The following JMY variants were observed in gnomAD, a reference collection of about 807,000 sequenced individuals.
JMY encodes junction mediating and regulatory protein, p53 cofactor, also known as junction-mediating and -regulatory protein.
Under a neutral mutation model 103.3 loss-of-function variants are expected in JMY, and 46 were observed. The observed-to-expected ratio is 0.45, with a 90% CI of 0.35 to 0.57. The LOEUF is 0.57. JMY is among the 20% of genes least tolerant of loss of function. The probability of loss-of-function intolerance (pLI) is 0.00; values close to 1 mark genes in which losing one functional copy is unlikely to be tolerated. For synonymous variants in JMY, 526 were observed against 489.3 expected, an observed-to-expected ratio of 1.07 and a Z score of -0.99; for missense variants, 1,238 against 1,255.2, an observed-to-expected ratio of 0.99 and a Z score of 0.21.
At chr5:79,248,402 G>A (rs551925560) in intron 1 of JMY, among the ~76,000 whole-genome samples, 32 of 151,894 alleles carry the variant, frequency 2.1e-4, no homozygotes, top group Admixed American at 1.8e-3. Flanking sequence ...TGCCTCCCAG[G>A]TGCAAGCAAT....
intron 2 of JMY, chr5:79,284,068 T>A (rs1746199127): frequency 9.5e-7 from 1 of 1,055,648 alleles, no homozygotes. Context: ...TTTATTTTTT[T>A]ATTTTATTTT....
intron 7 of JMY, among the ~76,000 whole-genome samples, chr5:79,309,930 A>G (rs1168460201): frequency 2.6e-5 from 4 of 152,136 alleles, no homozygotes; most frequent in Admixed American, 2.0e-4. Flanking sequence ...TTTATAAAAC[A>G]TAAGATTTTG....
At chr5:79,276,373 G>C (rs1417736898) in intron 1 of JMY, among the ~76,000 whole-genome samples, 1 of 152,040 alleles carries the variant, frequency 6.6e-6, no homozygotes, top group African/African-American at 2.4e-5. Flanking sequence ...GCCTGCCTCG[G>C]CCTCCCAAAG....
intron 2 of JMY, among the ~76,000 whole-genome samples, chr5:79,289,314 A>G (rs1228057119): frequency 1.3e-5 from 2 of 149,168 alleles, no homozygotes; most frequent in Non-Finnish European, 3.0e-5. Context: ...TTAGTGGCTT[A>G]ATTATACTTG....
intron 1 of JMY, among the ~76,000 whole-genome samples, chr5:79,250,974 C>T (rs1409219012): frequency 6.6e-6 from 1 of 151,930 alleles, no homozygotes; most frequent in Admixed American, 6.6e-5. Flanking sequence ...TTGAGAACTG[C>T]CTATAATTCT....
At chr5:79,258,123 A>T (rs891465608) in intron 1 of JMY, among the ~76,000 whole-genome samples, 3 of 152,122 alleles carry the variant, frequency 2.0e-5, no homozygotes, top group African/African-American at 7.2e-5. Flanking sequence ...AATGAGAGGT[A>T]TGTATTTTCC....
At position 79,236,920 on chromosome 5, in the gene JMY, C is replaced by A. The variant is rs1308349969; in HGVS notation, c.270C>A (p.Pro90=). Reference sequence around the variant, plus strand: ...GCAGCCCGGCGGGCAGGGGTCGGCCCGAGGCCACTGCCTCTGCAACTCTGG... The same window carrying A: ...GCAGCCCGGCGGGCAGGGGTCGGCCAGAGGCCACTGCCTCTGCAACTCTGG... The part of the protein sequence containing the change: ...GPGSPAGRGR[P]EATASATLVR... The change falls in exon 1 of 11, where the codon CCC becomes CCA. Residue 90 remains proline (P), a synonymous_variant. Transcript: ENST00000396137. 2.2e-6 allele frequency: 3 copies of A among 1,381,736 alleles called. No individual in the cohort carries two copies. The East Asian group carries it at 8.8e-5, about 41-fold the overall frequency. 85.6% of individuals were successfully genotyped at this position (1,381,736 alleles called of 1,614,324 possible). A position where few individuals can be genotyped will look rare whatever the true frequency, so the allele number is the denominator to read the frequency against.
At chr5:79,300,122 A>G (rs1474943516) in intron 4 of JMY, 31 bp from the exon 5 acceptor site, 1 of 1,607,150 alleles carries the variant, frequency 6.2e-7, no homozygotes, top group Non-Finnish European at 8.5e-7. Flanking sequence ...CCCACCAGCT[A>G]GAAATTTTTT....
rs1747565770 is a variant in JMY, at chr5:79,324,459, C to T, written c.*2857C>T. On this transcript the variant is annotated 3_prime_UTR_variant, in exon 11 of 11. Coordinates refer to ENST00000396137, the MANE Select transcript of JMY (RefSeq NM_152405.5). ...AAGTTAATTTCCAATCTAGTCTCAA[C>T]TGCAATGCATTTAAAATAGGTAAAA... 6.6e-6 allele frequency: 1 copy of T among 152,194 alleles called. No homozygotes were observed. Among genetic ancestry groups the T allele is most frequent in the Admixed American group, 6.5e-5 (1 of 15,280 alleles). The allele number at this position is 152,194 out of a possible 1,614,324, so 9.4% of individuals were successfully genotyped here.
chr5:79,260,554 TG>T (rs1338781186), intron 1 of JMY, among the ~76,000 whole-genome samples: 1 of 148,376 alleles, frequency 6.7e-6, no homozygotes, highest in Non-Finnish European at 1.5e-5. Flanking sequence ...CTGATTTTTG[TG>T]GGTTTTTTTT....
chr5:79,263,732 G>A lies in JMY; in HGVS notation c.1033-14178G>A, dbSNP rs144903563. On this transcript the variant is annotated intron_variant, in intron 1 of 10. Transcript: ENST00000396137. Reference sequence around the variant, plus strand: ...CTTTTTGTCTAGGCTGGAGTACACCGGTGCAATCATGGCTTACTACAGCAT... The same window carrying A: ...CTTTTTGTCTAGGCTGGAGTACACCAGTGCAATCATGGCTTACTACAGCAT... Among the ~76,000 whole-genome samples, 35 of 151,920 alleles carry A rather than the reference G, an allele frequency of 2.3e-4. No homozygotes were observed. In the East Asian group the frequency reaches 6.2e-3, roughly 27 times the overall value.
At chr5:79,297,836 A>G (rs2112104621) in intron 4 of JMY, among the ~76,000 whole-genome samples, 1 of 152,278 alleles carries the variant, frequency 6.6e-6, no homozygotes, top group East Asian at 1.9e-4. Flanking sequence ...CTTGGTCTAG[A>G]TAGAACTCAC....
intron 2 of JMY, among the ~76,000 whole-genome samples, chr5:79,282,718 ATGTGGTATTG>A (rs1746155104): frequency 1.3e-5 from 2 of 152,148 alleles, no homozygotes; most frequent in African/African-American, 4.8e-5. Context: ...TAACCAGGTA[ATGTGGTATTG>A]GCACTAACTT....
At chr5:79,298,385 G>T (rs1357290175) in intron 4 of JMY, among the ~76,000 whole-genome samples, 3 of 152,192 alleles carry the variant, frequency 2.0e-5, no homozygotes, top group African/African-American at 7.2e-5. Flanking sequence ...ATATCCTACA[G>T]CTGTGTTTGC....
chr5:79,237,842 CCT>C (rs1387589774), intron 1 of JMY, among the ~76,000 whole-genome samples, 160 bp downstream of exon 1: 1 of 151,964 alleles, frequency 6.6e-6, no homozygotes, highest in Non-Finnish European at 1.5e-5. Flanking sequence ...GCCCTTCATC[CCT>C]CTCGGTGGCT....
At chr5:79,263,748 A>T (rs1336084037) in intron 1 of JMY, among the ~76,000 whole-genome samples, 1 of 151,686 alleles carries the variant, frequency 6.6e-6, no homozygotes, top group Non-Finnish European at 1.5e-5. Context: ...ATCATGGCTT[A>T]CTACAGCATC....
At chr5:79,281,332 CTG>C (rs1045574860) in intron 2 of JMY, among the ~76,000 whole-genome samples, 17 of 149,630 alleles carry the variant, frequency 1.1e-4, no homozygotes, top group African/African-American at 3.4e-4. Flanking sequence ...GCGTGAGTCA[CTG>C]TGCCCAGCCA....
At chr5:79,301,993 G>T (rs1263121829) in intron 6 of JMY, among the ~76,000 whole-genome samples, 1 of 147,726 alleles carries the variant, frequency 6.8e-6, no homozygotes, top group Non-Finnish European at 1.5e-5. Context: ...TGAGGCAGGA[G>T]AATCGCTTGA....
At chr5:79,240,938 A>G (rs1213289915) in intron 1 of JMY, among the ~76,000 whole-genome samples, 1 of 152,228 alleles carries the variant, frequency 6.6e-6, no homozygotes, top group Non-Finnish European at 1.5e-5. Context: ...TTTTCAAGCT[A>G]GGTTTATCTG....
Sources: allele counts gnomAD v4.1 joint callset (sites outside exome capture counted in the v4.1 genomes callset), GRCh38; gene constraint gnomAD v4.1.1; transcripts MANE v1.5; gene names NCBI Gene and HGNC (gene_info 2026-07-23, HGNC 2026-07-21).